GFI1B: variants seen among roughly 807,000 people sequenced by gnomAD.
GFI1B encodes the protein growth factor independent 1B transcriptional repressor.
GFI1B carries 20 observed loss-of-function variants against 35.3 expected under a neutral mutation model. The observed-to-expected ratio is 0.57, with a 90% confidence interval of 0.40 to 0.82. GFI1B has a LOEUF of 0.82. GFI1B is among the 40% of genes least tolerant of loss of function. The pLI, the probability that GFI1B is intolerant of heterozygous loss-of-function variation, is 0.00. For synonymous variants in GFI1B, 178 were observed against 177.6 expected, an observed-to-expected ratio of 1.00 and a Z score of -0.02; for missense variants, 430 against 446.3, an observed-to-expected ratio of 0.96 and a Z score of 0.33.
rs544148747 is a variant in GFI1B at position 132,973,656 on chromosome 9, AG to A, written c.-679+915del. On this transcript the variant is annotated intron_variant, in intron 2 of 10. Coordinates refer to the GFI1B transcript ENST00000339463. ...TGAGAGCTGGATTGAGCTGTGAAGG[AG>A]GGGGCTGAAGAGAAAGAACCATTCC... is the stretch of plus-strand genomic sequence containing the variant. Among the ~76,000 whole-genome samples the A allele has an allele frequency of 7.9e-5, 12 of 152,264 alleles. No homozygotes were observed. The South Asian group carries it at 2.5e-3, about 32-fold the overall frequency.
rs1848093602 is a variant in GFI1B, at chr9:132,946,198, C to T, written c.-701+529C>T. 2.6e-5 allele frequency among the ~76,000 whole-genome samples: 4 copies of T among 152,120 alleles called. No homozygotes were observed. The South Asian group carries it at 6.2e-4, about 24-fold the overall frequency. ...AAATTGAACTGATGATTCCTCTGTT[C>T]TAACACAGTCGCTGGGGGGAAGCTA... On this transcript the variant is annotated intron_variant, in intron 1 of 10. Transcript: ENST00000339463.
intron 1 of GFI1B, among the ~76,000 whole-genome samples, chr9:132,950,222 C>A (rs570033958): frequency 2.0e-4 from 31 of 152,302 alleles, no homozygotes; most frequent in African/African-American, 7.2e-4. Flanking sequence ...GATGGCCAAA[C>A]ATGCTTTCCT....
upstream of GFI1B, among the ~76,000 whole-genome samples, chr9:132,978,037 G>T (rs974563246): frequency 1.1e-4 from 17 of 152,128 alleles, no homozygotes; most frequent in Admixed American, 3.9e-4. Flanking sequence ...GCATGTGGCC[G>T]GCTCGGGTAC....
chr9:132,988,254 C>G lies in GFI1B; in HGVS notation c.296C>G (p.Pro99Arg). 6.2e-7 allele frequency: 1 copy of G among 1,613,990 alleles called. No individual in the cohort carries two copies. The highest frequency in any genetic ancestry group is 1.1e-5 in the South Asian group (1 of 91,088). The change falls in exon 4 of 7, where the codon CCC (proline) becomes CGC (arginine). Residue 99 changes from proline (P) to arginine (R), a missense_variant. Pro to Arg is a moderately radical substitution (Grantham distance 103). Coordinates refer to ENST00000372122, the MANE Select transcript of GFI1B (RefSeq NM_001377304.1). ...QDGDSPLSDS[P>R]PFYKPSFSWD... is the part of the protein sequence containing the mutation. ...GGGGACTCTCCACTGTCCGACTCAC[C>G]CCCATTCTACAAGCCTAGCTTCTCC...
At chr9:132,965,362 G>A (rs977194486) in intron 1 of GFI1B, among the ~76,000 whole-genome samples, 3 of 152,220 alleles carry the variant, frequency 2.0e-5, no homozygotes, top group African/African-American at 7.2e-5. Flanking sequence ...GGAAATGTCA[G>A]ACCCATACAG....
In GFI1B at chr9:132,984,323, GA is replaced by G. The variant is rs367558799; in HGVS notation, c.-20-2335del. ...AAGCGGGAAGGAAGGGGGGTGTGGG[GA>G]GCCCTGGTGAGGGAGGGGGAGGAGG... On this transcript the variant is annotated intron_variant, in intron 1 of 6. Transcript: ENST00000372122. 2.0e-4 allele frequency among the ~76,000 whole-genome samples: 30 copies of G among 152,252 alleles called. No individual in the cohort carries two copies. The East Asian group carries it at 2.3e-3, about 12-fold the overall frequency.
chr9:132,971,159 C>T (rs1057514417), intron 1 of GFI1B, among the ~76,000 whole-genome samples: 3 of 152,188 alleles, frequency 2.0e-5, no homozygotes, highest in African/African-American at 7.2e-5. Flanking sequence ...CCACTGCGCC[C>T]GGCCCAGATG....
chr9:132,975,768 A>G (rs192349219), upstream of GFI1B, among the ~76,000 whole-genome samples: 1 of 152,318 alleles, frequency 6.6e-6, no homozygotes. Flanking sequence ...ATGAATGGGC[A>G]TGGGAATGCG....
intron 1 of GFI1B, among the ~76,000 whole-genome samples, chr9:132,970,082 GAGAAGAGAGGGATCT>G (rs537304285): frequency 1.8e-3 from 281 of 152,302 alleles, no homozygotes; most frequent in African/African-American, 6.5e-3. Flanking sequence ...CCATCGATGG[GAGAAGAGAGGGATCT>G]TTCCTAAATG....
Position 132,990,886 on chromosome 9 carries a change from A to G in GFI1B, c.829A>G (p.Lys277Glu). 6.2e-7 allele frequency: 1 copy of G among 1,614,206 alleles called. No homozygotes were observed. The highest frequency in any genetic ancestry group is 1.7e-5 in the Admixed American group (1 of 60,032). The change falls in exon 7 of 7, where the codon AAG becomes GAG. Residue 277 changes from lysine (K) to glutamate (E), a missense_variant. Physicochemically the swap from Lys to Glu is moderately conservative, Grantham distance 56 (BLOSUM62 1). Coordinates refer to ENST00000372122, the MANE Select transcript of GFI1B (RefSeq NM_001377304.1). Reference sequence around the variant, plus strand: ...CCTCCCTGCAGGTGAGAAGCCGCACAAGTGCCAGGTGTGCGGAAAGGCCTT... The same window carrying G: ...CCTCCCTGCAGGTGAGAAGCCGCACGAGTGCCAGGTGTGCGGAAAGGCCTT... ...TYIHTGEKPH[K>E]CQVCGKAFSQ...
downstream of GFI1B, among the ~76,000 whole-genome samples, chr9:132,992,707 C>A (rs897443915): frequency 1.3e-5 from 2 of 152,098 alleles, no homozygotes; most frequent in African/African-American, 2.4e-5. Flanking sequence ...CCTCTGATAC[C>A]GAGCAACTCA....
Position 132,990,861 on chromosome 9 carries a change from C to T in GFI1B, c.815-11C>T. ...CCCCGCCCTTGCTGTGCTGCGCTGC[C>T]CTCCCTGCAGGTGAGAAGCCGCACA... On this transcript the variant is annotated splice_polypyrimidine_tract_variant and intron_variant, in intron 6 of 6. Coordinates refer to ENST00000372122, the MANE Select transcript of GFI1B (RefSeq NM_001377304.1). 5 of 1,613,082 alleles carry T rather than the reference C, an allele frequency of 3.1e-6. No individual in the cohort carries two copies. Among genetic ancestry groups the T allele is most frequent in the Non-Finnish European group, 4.2e-6 (5 of 1,179,856 alleles).
upstream of GFI1B, among the ~76,000 whole-genome samples, chr9:132,977,131 A>AT (rs553489298): frequency 1.0e-3 from 158 of 152,126 alleles, no homozygotes; most frequent in Non-Finnish European, 1.7e-3. Context: ...CTAATTTTGT[A>AT]TTTTTTGTAG....
intron 1 of GFI1B, among the ~76,000 whole-genome samples, chr9:132,962,966 C>A (rs1177817263): frequency 1.3e-5 from 2 of 149,462 alleles, no homozygotes; most frequent in East Asian, 4.0e-4. Context: ...CCTGCAGTCC[C>A]AGCTAATTGG....
chr9:132,986,808 G>A (rs1564177336), intron 2 of GFI1B, 30 bp downstream of exon 2: 2 of 1,377,808 alleles, frequency 1.5e-6, no homozygotes, highest in South Asian at 1.2e-5. Context: ...GGCGCCTGCT[G>A]CACCCACGGG....
chr9:132,969,903 GA>G (rs1239997384), intron 1 of GFI1B, among the ~76,000 whole-genome samples: 1 of 152,136 alleles, frequency 6.6e-6, no homozygotes, highest in Non-Finnish European at 1.5e-5. Flanking sequence ...ATCCTTCAGG[GA>G]AAATTTCATG....
intron 1 of GFI1B, among the ~76,000 whole-genome samples, chr9:132,964,434 G>A (rs879116120): frequency 6.6e-6 from 1 of 152,086 alleles, no homozygotes; most frequent in Admixed American, 6.6e-5. Context: ...TTCAAACTGA[G>A]AATATCAATA....
At chr9:132,975,609 A>T (rs774611679), upstream of GFI1B, among the ~76,000 whole-genome samples, 2 of 152,210 alleles carry the variant, frequency 1.3e-5, no homozygotes, top group Non-Finnish European at 2.9e-5. Context: ...ACCAGGAAGG[A>T]ATATGAAAAG....
chr9:132,964,382 G>A (rs1231112417), intron 1 of GFI1B, among the ~76,000 whole-genome samples: 1 of 152,078 alleles, frequency 6.6e-6, no homozygotes, highest in East Asian at 1.9e-4. Flanking sequence ...AACGGCTCTT[G>A]GACCCCTTCA....
Sources: gnomAD v4.1 joint callset for allele counts (sites outside exome capture counted in the v4.1 genomes callset) on GRCh38, gnomAD v4.1.1 for gene constraint, MANE v1.5 for transcripts, NCBI Gene and HGNC (gene_info 2026-07-23, HGNC 2026-07-21) for gene names.